STAMBPL1: variants seen among roughly 807,000 people sequenced by gnomAD.
STAMBPL1 encodes STAM binding protein like 1.
A neutral mutation model predicts 52.9 loss-of-function variants in STAMBPL1; 44 were observed. That is an observed-to-expected ratio of 0.83 (90% CI 0.65 to 1.07). The LOEUF (loss-of-function observed/expected upper bound fraction) is 1.07, where lower values mean the gene tolerates loss of function less well. STAMBPL1 is among the 50% of genes least tolerant of loss of function. STAMBPL1 has a pLI of 0.00. For missense variants in STAMBPL1, 511 were observed against 520.8 expected (o/e 0.98, Z 0.18); for synonymous variants, 164 against 177.3 (o/e 0.92, Z 0.60).
chr10:88,910,479 A>G (rs1845192887), intron 4 of STAMBPL1, among the ~76,000 whole-genome samples: 1 of 152,164 alleles, frequency 6.6e-6, no homozygotes, highest in Non-Finnish European at 1.5e-5. Flanking sequence ...TGCCTCAGCT[A>G]TTCTTTTTAC....
intron 1 of STAMBPL1, chr10:88,901,452 T>C: frequency 5.6e-6 from 2 of 357,242 alleles, no homozygotes; most frequent in African/African-American, 2.1e-5. Flanking sequence ...CCTTCACTTT[T>C]AAAGATCAGC....
chr10:88,890,551 G>A (rs1199781949), intron 1 of STAMBPL1, among the ~76,000 whole-genome samples: 2 of 152,206 alleles, frequency 1.3e-5, no homozygotes, highest in Admixed American at 6.5e-5. Context: ...TTGGATGTGG[G>A]GTTAAGGGAA....
chr10:88,906,976 CCTGT>C (rs1353146161), intron 3 of STAMBPL1, among the ~76,000 whole-genome samples: 4 of 152,134 alleles, frequency 2.6e-5, no homozygotes, highest in Admixed American at 6.5e-5. Context: ...ACTTATTCCT[CCTGT>C]CTAACTGAAA....
chr10:88,923,401 G>C lies in STAMBPL1; in HGVS notation c.*177G>C. The C allele has an allele frequency of 2.2e-6, 3 of 1,356,580 alleles. No homozygotes were observed. Among genetic ancestry groups the C allele is most frequent in the Non-Finnish European group, 1.9e-6 (2 of 1,060,868 alleles). The allele number at this position is 1,356,580 out of a possible 1,614,324, so 84.0% of individuals were successfully genotyped here. ...TAAAGTTTTCTTTTTGGGTTGCTCT[G>C]TGTCAAGAGAGGTTACATGGTGTTA... On this transcript the variant is annotated 3_prime_UTR_variant, in exon 11 of 11. Transcript: ENST00000371926.
At chr10:88,907,988 A>G (rs1013720339) in intron 3 of STAMBPL1, among the ~76,000 whole-genome samples, 2 of 152,210 alleles carry the variant, frequency 1.3e-5, no homozygotes, top group African/African-American at 4.8e-5. Context: ...TTTTGCAAAT[A>G]TTTATTGAGC....
intron 7 of STAMBPL1, among the ~76,000 whole-genome samples, chr10:88,915,922 A>T (rs886619390): frequency 2.0e-5 from 3 of 152,152 alleles, no homozygotes; most frequent in Non-Finnish European, 4.4e-5. Flanking sequence ...TGTGCAGGAA[A>T]GCCCTAAGGC....
intron 1 of STAMBPL1, among the ~76,000 whole-genome samples, chr10:88,888,293 G>T (rs956839704): frequency 6.6e-6 from 1 of 152,182 alleles, no homozygotes; most frequent in African/African-American, 2.4e-5. Flanking sequence ...TCTGGCAGGC[G>T]CTGAGTTACT....
At chr10:88,909,275 AAG>A (rs1361698932) in intron 4 of STAMBPL1, among the ~76,000 whole-genome samples, 1 of 152,200 alleles carries the variant, frequency 6.6e-6, no homozygotes, top group Non-Finnish European at 1.5e-5. Context: ...ATAAAGGAAA[AAG>A]AGTGTTGCAA....
intron 6 of STAMBPL1, among the ~76,000 whole-genome samples, chr10:88,914,177 A>G (rs1845308173): frequency 6.6e-6 from 1 of 152,174 alleles, no homozygotes. Context: ...GATAAACACA[A>G]TATTTATCTA....
intron 7 of STAMBPL1, 39 bp from the exon 8 acceptor site, chr10:88,916,641 T>A (rs2133207141): frequency 6.5e-7 from 1 of 1,546,652 alleles, no homozygotes; most frequent in African/African-American, 1.4e-5. Flanking sequence ...TTTTTTTTTC[T>A]GTGAGATGCA....
intron 4 of STAMBPL1, 104 bp downstream of exon 4, chr10:88,908,881 G>A (rs778250321): frequency 9.7e-5 from 91 of 934,708 alleles, no homozygotes; most frequent in Non-Finnish European, 1.2e-4. Context: ...TTGAGAGTTT[G>A]AGCGCAAGAA....
chr10:88,899,427 G>A (rs1031624610), intron 1 of STAMBPL1, among the ~76,000 whole-genome samples: 10 of 152,120 alleles, frequency 6.6e-5, no homozygotes, highest in African/African-American at 1.4e-4. Flanking sequence ...TGTAAAAACC[G>A]CTATCCTAAT....
chr10:88,882,170 A>G (rs542261813), intron 1 of STAMBPL1: 2 of 152,258 alleles, frequency 1.3e-5, no homozygotes, highest in South Asian at 4.1e-4. Context: ...AAGGCAGATA[A>G]CCTAAGTCCT....
intron 7 of STAMBPL1, among the ~76,000 whole-genome samples, chr10:88,915,760 A>C (rs987375927): frequency 6.6e-6 from 1 of 152,174 alleles, no homozygotes; most frequent in Non-Finnish European, 1.5e-5. Context: ...GTAGGGCATC[A>C]TGGGAGTTTG....
At chr10:88,886,058 T>G (rs1844523556) in intron 1 of STAMBPL1, among the ~76,000 whole-genome samples, 1 of 152,204 alleles carries the variant, frequency 6.6e-6, no homozygotes, top group Non-Finnish European at 1.5e-5. Context: ...ATGTCAACAG[T>G]GTTACACAAA....
chr10:88,906,421 C>T (rs1845076550), intron 3 of STAMBPL1, among the ~76,000 whole-genome samples: 1 of 152,166 alleles, frequency 6.6e-6, no homozygotes, highest in Non-Finnish European at 1.5e-5. Flanking sequence ...ATTATATCTT[C>T]TAAGATGAAC....
chr10:88,890,486 A>G (rs762777456), intron 1 of STAMBPL1, among the ~76,000 whole-genome samples: 5 of 152,212 alleles, frequency 3.3e-5, no homozygotes, highest in Non-Finnish European at 7.3e-5. Flanking sequence ...GAAAACCTGC[A>G]GTTTTGAGAG....
At chr10:88,882,446 C>A (rs567538381) in intron 1 of STAMBPL1, 1 of 152,208 alleles carries the variant, frequency 6.6e-6, no homozygotes, top group Non-Finnish European at 1.5e-5. Context: ...ACCGTTTGAT[C>A]ATTTCCTTCC....
intron 3 of STAMBPL1, among the ~76,000 whole-genome samples, chr10:88,906,312 T>C (rs754767412): frequency 1.3e-5 from 2 of 152,232 alleles, no homozygotes; most frequent in African/African-American, 2.4e-5. Context: ...TATTTGTTAG[T>C]GACATATCCT....
Sources: gnomAD v4.1 joint callset for allele counts (sites outside exome capture counted in the v4.1 genomes callset) on GRCh38, gnomAD v4.1.1 for gene constraint, MANE v1.5 for transcripts, NCBI Gene and HGNC (gene_info 2026-07-23, HGNC 2026-07-21) for gene names.